Variants in MAL observed in about 807,000 individuals in gnomAD.
MAL encodes the protein mal, T cell differentiation protein (MAL blood group).
In MAL, 5 loss-of-function variants were observed where a neutral mutation model predicts 16.7. That is an observed-to-expected ratio of 0.30 (90% confidence interval 0.16 to 0.63). MAL has a LOEUF of 0.63. MAL is among the 30% of genes least tolerant of loss of function. The pLI is 0.82. For synonymous variants in MAL, 96 were observed against 85.5 expected (o/e 1.12, Z -0.67); for missense variants, 202 against 195.8 (o/e 1.03, Z -0.19).
intron 3 of MAL, chr2:95,052,976 C>A (rs866142347): frequency 5.7e-6 from 1 of 174,794 alleles, no homozygotes; most frequent in Non-Finnish European, 1.2e-5. Context: ...ACCGAGCTAC[C>A]AGGACCACAG....
At chr2:95,047,742 A>C (rs930902962) in intron 1 of MAL, among the ~76,000 whole-genome samples, 1 of 152,190 alleles carries the variant, frequency 6.6e-6, no homozygotes, top group Non-Finnish European at 1.5e-5. Flanking sequence ...TAAAAAGTTA[A>C]TCAGGGCAAG....
intron 1 of MAL, among the ~76,000 whole-genome samples, chr2:95,039,032 G>GTGAGTGAC (rs1177314936): frequency 1.3e-5 from 2 of 151,812 alleles, no homozygotes; most frequent in East Asian, 3.9e-4. Flanking sequence ...GACTGAGTGA[G>GTGAGTGAC]TGAGTGACTG....
chr2:95,041,313 C>T (rs960656932), intron 1 of MAL, among the ~76,000 whole-genome samples: 22 of 152,120 alleles, frequency 1.4e-4, no homozygotes, highest in South Asian at 2.1e-4. Flanking sequence ...CTTCCTTGTG[C>T]GGGTCAGGCA....
intron 1 of MAL, among the ~76,000 whole-genome samples, chr2:95,027,813 G>A (rs1395816095): frequency 1.3e-5 from 2 of 152,158 alleles, no homozygotes; most frequent in Admixed American, 1.3e-4. Context: ...CCGGGTTCAC[G>A]CCATTCTCCT....
chr2:95,034,910 G>A (rs1484588365), intron 1 of MAL, among the ~76,000 whole-genome samples: 1 of 152,040 alleles, frequency 6.6e-6, no homozygotes, highest in Non-Finnish European at 1.5e-5. Flanking sequence ...TGTCTGTCTC[G>A]TGCCTACACC....
chr2:95,053,791 G>A lies in MAL; in HGVS notation c.*336G>A. On this transcript the variant is annotated 3_prime_UTR_variant, in exon 4 of 4. Coordinates refer to ENST00000309988, the MANE Select transcript of MAL (RefSeq NM_002371.4). ...GAGAAGGAAAGAAAGATCCTCTGCT[G>A]ACCCCTGGAGCAGCTCTCGAGAACT... 1 of 297,798 alleles carries A rather than the reference G, an allele frequency of 3.4e-6. No individual in the cohort carries two copies. The highest frequency in any genetic ancestry group is 6.4e-6 in the Non-Finnish European group (1 of 156,080). The allele number at this position is 297,798 out of a possible 1,614,324, so 18.4% of individuals were successfully genotyped here.
At chr2:95,030,674 C>T (rs1674056704) in intron 1 of MAL, among the ~76,000 whole-genome samples, 1 of 152,192 alleles carries the variant, frequency 6.6e-6, no homozygotes, top group African/African-American at 2.4e-5. Context: ...ACAAAGGAGG[C>T]AGGGTTGTGA....
rs531310324 is a variant in MAL at position 95,043,371 on chromosome 2, T to C, written c.94-4588T>C. Reference sequence around the variant, plus strand: ...AGTGCTGGGCTCAGTGCCAGAAGCTTCATACTCACATCTGTAGTTTTAGCC... The same window carrying C: ...AGTGCTGGGCTCAGTGCCAGAAGCTCCATACTCACATCTGTAGTTTTAGCC... On this transcript the variant is annotated intron_variant, in intron 1 of 3. Transcript: ENST00000309988. 4.6e-5 allele frequency among the ~76,000 whole-genome samples: 7 copies of C among 152,358 alleles called. No homozygotes were observed. In the South Asian group the frequency reaches 1.5e-3, roughly 32 times the overall value.
At chr2:95,026,026 A>G in intron 1 of MAL, 141 bp downstream of exon 1, 1 of 683,378 alleles carries the variant, frequency 1.5e-6, no homozygotes, top group South Asian at 2.0e-5. Context: ...GCGGGGACTA[A>G]GCCAGGGAAG....
At chr2:95,027,232 GGC>G (rs1673964476) in intron 1 of MAL, among the ~76,000 whole-genome samples, 1 of 152,144 alleles carries the variant, frequency 6.6e-6, no homozygotes, top group African/African-American at 2.4e-5. Flanking sequence ...AGTTAGACGG[GGC>G]GATCTGATCT....
At position 95,053,452 on chromosome 2, in the gene MAL, A is replaced by T; in HGVS notation, c.459A>T (p.Ser153=). Residue 153 remains serine, a synonymous_variant, in exon 4 of 4, where the codon TCA becomes TCT. Coordinates refer to ENST00000309988, the MANE Select transcript of MAL (RefSeq NM_002371.4). ...AVFSLIRWKS[S] ...TCTCTTTAATCAGATGGAAGTCTTC[A>T]TAAAGCCGCAGTAGAACTTGAGCTG... 1.9e-6 allele frequency: 3 copies of T among 1,611,922 alleles called. No homozygotes were observed. The highest frequency in any genetic ancestry group is 2.5e-6 in the Non-Finnish European group (3 of 1,178,028).
chr2:95,043,596 G>A lies in MAL; in HGVS notation c.94-4363G>A, dbSNP rs754751193. Among the ~76,000 whole-genome samples the A allele has an allele frequency of 2.6e-5, 4 of 152,224 alleles. No homozygotes were observed. The South Asian group carries it at 6.2e-4, about 24-fold the overall frequency. Reference sequence around the variant, plus strand: ...CATTAGAATTCTCCCAGAGAAGACCGCGGCAAAGGCCTGTGCTCCAAAGGC... The same window carrying A: ...CATTAGAATTCTCCCAGAGAAGACCACGGCAAAGGCCTGTGCTCCAAAGGC... On this transcript the variant is annotated intron_variant, in intron 1 of 3. Coordinates refer to ENST00000309988, the MANE Select transcript of MAL (RefSeq NM_002371.4).
chr2:95,047,053 G>A (rs900519385), intron 1 of MAL, among the ~76,000 whole-genome samples: 4 of 152,058 alleles, frequency 2.6e-5, no homozygotes, highest in African/African-American at 7.2e-5. Context: ...GAGAAAGAAA[G>A]GAAGGGCAGG....
intron 2 of MAL, 94 bp from the exon 3 acceptor site, chr2:95,049,487 G>T: frequency 6.7e-7 from 1 of 1,497,020 alleles, no homozygotes; most frequent in Non-Finnish European, 9.1e-7. Context: ...GAAGTGGGGG[G>T]AGAGGCAAGG....
At chr2:95,051,278 A>G (rs1194092625) in intron 3 of MAL, 1 of 152,172 alleles carries the variant, frequency 6.6e-6, no homozygotes, top group Non-Finnish European at 1.5e-5. Context: ...CCCTGTGTGG[A>G]TGGTGTCTGG....
chr2:95,035,063 C>T (rs915570884), intron 1 of MAL, among the ~76,000 whole-genome samples: 4 of 152,144 alleles, frequency 2.6e-5, no homozygotes, highest in African/African-American at 7.2e-5. Context: ...ACCTCAAAGG[C>T]GGACAGAGGG....
At chr2:95,049,538 G>T in intron 2 of MAL, 43 bp from the exon 3 acceptor site, 2 of 1,609,902 alleles carry the variant, frequency 1.2e-6, no homozygotes, top group Non-Finnish European at 1.7e-6. Context: ...TCTGGGCCCC[G>T]TCTCTCTCTC....
In MAL at chr2:95,025,826, C is replaced by T; in HGVS notation, c.34C>T (p.Leu12=). The T allele has an allele frequency of 6.3e-7, 1 of 1,576,760 alleles. No individual in the cohort carries two copies. Among genetic ancestry groups the T allele is most frequent in the Non-Finnish European group, 8.6e-7 (1 of 1,162,002 alleles). ...APAAATGGST[L]PSGFSVFTTL... ...CGCAGCGGCGACGGGGGGCAGCACCCTGCCCAGTGGCTTCTCGGTCTTCAC... is the reference window on the plus strand; with the variant it reads ...CGCAGCGGCGACGGGGGGCAGCACCTTGCCCAGTGGCTTCTCGGTCTTCAC... The change falls in exon 1 of 4, where the codon CTG becomes TTG. Residue 12 remains leucine (L), a synonymous_variant. Coordinates refer to ENST00000309988, the MANE Select transcript of MAL (RefSeq NM_002371.4). This position sits in a 1 kb window ranked among gnomAD's most constrained non-coding sequence, Gnocchi z 5.6.
rs201506376 is a variant in MAL at position 95,037,624 on chromosome 2, CTAAG to C, written c.94-10329_94-10326del. 1.7e-4 allele frequency among the ~76,000 whole-genome samples: 17 copies of C among 99,240 alleles called. No individual in the cohort carries two copies. The South Asian group carries it at 2.3e-3, about 13-fold the overall frequency. 65.1% of individuals were successfully genotyped at this position (99,240 alleles called of 152,430 possible). ...GGTGAGTAACAGAGTGAGTGAGTGA[CTAAG>C]TAAGTGAGTGAGTGAGCAAGCGAGT... On this transcript the variant is annotated intron_variant, in intron 1 of 3. Coordinates refer to ENST00000309988, the MANE Select transcript of MAL (RefSeq NM_002371.4).
Sources: gnomAD v4.1 joint callset for allele counts (sites outside exome capture counted in the v4.1 genomes callset) on GRCh38, gnomAD v4.1.1 for gene constraint, Gnocchi (gnomAD v3.1) non-coding constraint, MANE v1.5 for transcripts, NCBI Gene and HGNC (gene_info 2026-07-23, HGNC 2026-07-21) for gene names.